Variants in CGNL1 observed in about 807,000 individuals in gnomAD.
CGNL1 encodes the protein cingulin like 1.
CGNL1 carries 132 observed loss-of-function variants against 141.2 expected under a neutral mutation model. The ratio of observed to expected loss-of-function variants is 0.93; its 90% confidence interval spans 0.81 to 1.08. The LOEUF is 1.08. CGNL1 is among the 50% of genes least tolerant of loss of function. The pLI, the probability that CGNL1 is intolerant of heterozygous loss-of-function variation, is 0.00. For synonymous variants in CGNL1, 690 were observed against 622.1 expected (o/e 1.11, Z -1.63); for missense variants, 1,870 against 1,588.6 (o/e 1.18, Z -3.01).
At chr15:57,457,862 C>T (rs1375208285) in intron 7 of CGNL1, among the ~76,000 whole-genome samples, 1 of 152,132 alleles carries the variant, frequency 6.6e-6, no homozygotes, top group Non-Finnish European at 1.5e-5. Flanking sequence ...CGCAGCCAAA[C>T]CATAATAGCA....
chr15:57,481,556 T>G (rs761488633), intron 8 of CGNL1, among the ~76,000 whole-genome samples: 15 of 152,238 alleles, frequency 9.9e-5, no homozygotes, highest in Non-Finnish European at 1.6e-4. Context: ...TTCTATAGTA[T>G]AGATGCACCA....
At chr15:57,474,270 T>A (rs74016217) in intron 8 of CGNL1, among the ~76,000 whole-genome samples, 4,831 of 152,198 alleles carry the variant, frequency 0.032, 159 homozygotes, top group African/African-American at 0.083. Flanking sequence ...TTTGTCACTT[T>A]AGGCTGCTAA....
chr15:57,473,035 A>C (rs2063602445), intron 8 of CGNL1, among the ~76,000 whole-genome samples: 1 of 152,150 alleles, frequency 6.6e-6, no homozygotes, highest in South Asian at 2.1e-4. Context: ...TGAGTAACAA[A>C]GGAGCTATGG....
At chr15:57,437,528 G>T (rs2063119314) in intron 1 of CGNL1, among the ~76,000 whole-genome samples, 1 of 146,012 alleles carries the variant, frequency 6.8e-6, no homozygotes, top group Admixed American at 7.0e-5. Context: ...TTATTTTCAT[G>T]GAAAAGTACC....
Position 57,439,134 on chromosome 15 carries a change from A to G in CGNL1, c.1135A>G (p.Asn379Asp). The change falls in exon 2 of 19, where the codon AAT (asparagine) becomes GAT (aspartate). Residue 379 changes from asparagine (N) to aspartate (D), a missense_variant. By Grantham distance (23) the Asn-to-Asp change is conservative. Coordinates refer to ENST00000281282, the MANE Select transcript of CGNL1 (RefSeq NM_032866.5). ...RGRSGKRNRINTDDRKRSRSV... is the reference protein window; with the variant it reads ...RGRSGKRNRIDTDDRKRSRSV... ...AAGGTCTGGGAAGCGAAACAGAATT[A>G]ATACAGATGACAGGAAAAGATCCAG... The G allele has an allele frequency of 6.2e-7, 1 of 1,614,202 alleles. No individual in the cohort carries two copies. Among genetic ancestry groups the G allele is most frequent in the Non-Finnish European group, 8.5e-7 (1 of 1,180,044 alleles).
intron 7 of CGNL1, among the ~76,000 whole-genome samples, chr15:57,460,905 G>C (rs535419567): frequency 6.6e-6 from 1 of 152,276 alleles, no homozygotes; most frequent in African/African-American, 2.4e-5. Context: ...GTGGAAGAAG[G>C]CCTGGAGTGC....
intron 8 of CGNL1, among the ~76,000 whole-genome samples, chr15:57,471,598 T>C (rs1437650461): frequency 6.6e-6 from 1 of 152,102 alleles, no homozygotes; most frequent in African/African-American, 2.4e-5. Context: ...CTGAGGAGCT[T>C]GGTCGCGTGG....
intron 5 of CGNL1, 121 bp from the exon 6 acceptor site, chr15:57,452,020 G>T: frequency 1.2e-6 from 1 of 800,474 alleles, no homozygotes; most frequent in Non-Finnish European, 1.9e-6. Context: ...TATATAGTTT[G>T]ATTAAGTTGT....
intron 1 of CGNL1, among the ~76,000 whole-genome samples, chr15:57,377,910 T>C (rs1339116840): frequency 5.3e-5 from 8 of 152,226 alleles, no homozygotes; most frequent in African/African-American, 1.9e-4. Flanking sequence ...ACGTAGATAA[T>C]GGAGTTGCAT....
At chr15:57,470,636 G>A (rs917525832) in intron 8 of CGNL1, among the ~76,000 whole-genome samples, 15 of 152,148 alleles carry the variant, frequency 9.9e-5, no homozygotes, top group South Asian at 2.1e-4. Flanking sequence ...TTAGATATGC[G>A]GATTCATTTG....
intron 8 of CGNL1, among the ~76,000 whole-genome samples, chr15:57,483,158 G>T (rs745984976): frequency 2.0e-5 from 3 of 152,190 alleles, no homozygotes; most frequent in Non-Finnish European, 4.4e-5. Context: ...TTGATAGGTT[G>T]AGTATGACTA....
chr15:57,381,019 A>C (rs1209910110), intron 1 of CGNL1, among the ~76,000 whole-genome samples: 1 of 152,216 alleles, frequency 6.6e-6, no homozygotes, highest in Non-Finnish European at 1.5e-5. Context: ...GGCAGGCTGA[A>C]AACTGGACTT....
chr15:57,482,738 TA>T (rs2063740657), intron 8 of CGNL1, among the ~76,000 whole-genome samples: 1 of 152,300 alleles, frequency 6.6e-6, no homozygotes, highest in Admixed American at 6.5e-5. Flanking sequence ...TATTCTTTTT[TA>T]AAATTGTTTT....
chr15:57,388,204 A>G (rs970202959), intron 1 of CGNL1, among the ~76,000 whole-genome samples: 3 of 152,168 alleles, frequency 2.0e-5, no homozygotes, highest in African/African-American at 7.2e-5. Flanking sequence ...AGGAGGCTCT[A>G]CTTTTTTCTC....
At chr15:57,385,272 G>A (rs1339443229) in intron 1 of CGNL1, among the ~76,000 whole-genome samples, 1 of 152,196 alleles carries the variant, frequency 6.6e-6, no homozygotes, top group Admixed American at 6.5e-5. Flanking sequence ...AGTGGCTCAC[G>A]CCTATAATGC....
Position 57,439,291 on chromosome 15 carries a change from C to G in CGNL1, c.1292C>G (p.Ser431Cys). The change falls in exon 2 of 19, where the codon TCT becomes TGT. Residue 431 changes from serine to cysteine, a missense_variant. Ser to Cys is a moderately radical substitution (Grantham distance 112). Coordinates refer to ENST00000281282, the MANE Select transcript of CGNL1 (RefSeq NM_032866.5). Reference sequence around the variant, plus strand: ...CAGGTGTGCCCGCAGCGGCCACTGTCTCAGGAGCGCCGTGGGAAACAGAGC... The same window carrying G: ...CAGGTGTGCCCGCAGCGGCCACTGTGTCAGGAGCGCCGTGGGAAACAGAGC... ...PSQVCPQRPL[S>C]QERRGKQSVG... 6.2e-7 allele frequency: 1 copy of G among 1,614,100 alleles called. No individual in the cohort carries two copies. The highest frequency in any genetic ancestry group is 8.5e-7 in the Non-Finnish European group (1 of 1,180,044).
At chr15:57,432,147 G>A (rs2063052497) in intron 1 of CGNL1, among the ~76,000 whole-genome samples, 2 of 152,182 alleles carry the variant, frequency 1.3e-5, no homozygotes, top group African/African-American at 4.8e-5. Flanking sequence ...CTTGACTGAT[G>A]GGGACTCTTG....
intron 8 of CGNL1, among the ~76,000 whole-genome samples, chr15:57,495,261 C>G (rs2063921083): frequency 6.6e-6 from 1 of 152,090 alleles, no homozygotes; most frequent in South Asian, 2.1e-4. Flanking sequence ...TTTTTGCTTT[C>G]TCAGTCAGCT....
Position 57,439,508 on chromosome 15 carries a change from G to T in CGNL1, c.1509G>T (p.Thr503=), listed in dbSNP as rs1256202080. The change falls in exon 2 of 19, where the codon ACG becomes ACT. Residue 503 remains threonine, a synonymous_variant. Coordinates refer to ENST00000281282, the MANE Select transcript of CGNL1 (RefSeq NM_032866.5). ...AGGAGGTGAAAACAGCCACCGCTAC[G>T]CTGATGTTACAGAACCGGGCAACAG... is the stretch of plus-strand genomic sequence containing the variant. ...KEEEVKTATA[T]LMLQNRATAT... is the part of the protein sequence containing the mutation. The T allele has an allele frequency of 6.2e-7, 1 of 1,614,204 alleles. No homozygotes were observed. Among genetic ancestry groups the T allele is most frequent in the Admixed American group, 1.7e-5 (1 of 60,026 alleles).
Sources: allele counts gnomAD v4.1 joint callset (sites outside exome capture counted in the v4.1 genomes callset), GRCh38; gene constraint gnomAD v4.1.1; transcripts MANE v1.5; gene names NCBI Gene and HGNC (gene_info 2026-07-23, HGNC 2026-07-21).